Variants in PRRC2C observed in about 807,000 individuals in gnomAD.
The protein encoded by PRRC2C is proline rich coiled-coil 2C.
A neutral mutation model predicts 317.2 loss-of-function variants in PRRC2C; 72 were observed. That is an observed-to-expected ratio of 0.23 (90% CI 0.19 to 0.28). PRRC2C has a LOEUF of 0.28. PRRC2C is among the 10% of genes least tolerant of loss of function. The pLI, the probability that PRRC2C is intolerant of heterozygous loss-of-function variation, is 1.00. For missense variants in PRRC2C, 3,074 were observed against 3,459.7 expected, an observed-to-expected ratio of 0.89 and a Z score of 2.80; for synonymous variants, 1,296 against 1,205.9, an observed-to-expected ratio of 1.07 and a Z score of -1.55.
chr1:171,561,183 C>T, intron 20 of PRRC2C, 80 bp downstream of exon 20: 6 of 1,329,254 alleles, frequency 4.5e-6, no homozygotes, highest in Non-Finnish European at 5.4e-6. Context: ...TGGCTTACAC[C>T]TGTAATCCTA....
At chr1:171,488,269 C>G (rs1457915841) in intron 1 of PRRC2C, among the ~76,000 whole-genome samples, 9 of 152,170 alleles carry the variant, frequency 5.9e-5, no homozygotes, top group Admixed American at 5.9e-4. Flanking sequence ...AAAATTGTGT[C>G]TGAGTTATGA....
At chr1:171,586,432 CAG>C (rs1372416509) in intron 30 of PRRC2C, among the ~76,000 whole-genome samples, 4 of 151,454 alleles carry the variant, frequency 2.6e-5, no homozygotes, top group Non-Finnish European at 5.9e-5. Context: ...ATCAGCCTCT[CAG>C]AAAGTTTTGG....
At chr1:171,514,326 C>T (rs888462011) in intron 3 of PRRC2C, among the ~76,000 whole-genome samples, 1 of 151,768 alleles carries the variant, frequency 6.6e-6, no homozygotes, top group African/African-American at 2.4e-5. Flanking sequence ...AAACTCATCT[C>T]ATTGGGTTAT....
chr1:171,545,752 A>C (rs1010727062), intron 17 of PRRC2C, 65 bp downstream of exon 17: 2 of 697,390 alleles, frequency 2.9e-6, no homozygotes, highest in African/African-American at 5.2e-5. Context: ...TTTATTTGCT[A>C]CATTTTAAAA....
chr1:171,545,154 C>A (rs1678825632), intron 16 of PRRC2C, among the ~76,000 whole-genome samples: 1 of 152,084 alleles, frequency 6.6e-6, no homozygotes, highest in African/African-American at 2.4e-5. Context: ...TTGCTTGGAT[C>A]ACAGAAATTT....
intron 6 of PRRC2C, 78 bp from the exon 7 acceptor site, chr1:171,522,099 C>G: frequency 1.6e-6 from 1 of 609,616 alleles, no homozygotes. Flanking sequence ...GGCCTAGGCT[C>G]AGATTTATAT....
At chr1:171,555,661 C>A (rs1681224672) in intron 18 of PRRC2C, among the ~76,000 whole-genome samples, 4 of 152,102 alleles carry the variant, frequency 2.6e-5, no homozygotes, top group Admixed American at 1.3e-4. Flanking sequence ...TGTGGATGTC[C>A]TTTTTGTTGA....
intron 1 of PRRC2C, among the ~76,000 whole-genome samples, chr1:171,492,510 T>C (rs890867202): frequency 2.6e-5 from 4 of 151,968 alleles, no homozygotes; most frequent in Non-Finnish European, 5.9e-5. Flanking sequence ...CGCACTGTGT[T>C]CTACATATGG....
At chr1:171,510,406 C>T (rs974082221) in intron 1 of PRRC2C, 4 of 152,058 alleles carry the variant, frequency 2.6e-5, no homozygotes, top group Non-Finnish European at 4.4e-5. Context: ...CTTGATACAT[C>T]AGTTCCTTTT....
intron 23 of PRRC2C, among the ~76,000 whole-genome samples, chr1:171,569,885 T>A (rs1487858247): frequency 6.6e-6 from 1 of 151,644 alleles, no homozygotes; most frequent in Non-Finnish European, 1.5e-5. Flanking sequence ...GAAGAAAAAA[T>A]TATTATTCTC....
At chr1:171,489,640 T>A (rs1447594808) in intron 1 of PRRC2C, among the ~76,000 whole-genome samples, 1 of 152,232 alleles carries the variant, frequency 6.6e-6, no homozygotes, top group Non-Finnish European at 1.5e-5. Context: ...ACTAAGACTA[T>A]TTTTTGAATG....
chr1:171,535,433 G>T lies in PRRC2C; in HGVS notation c.1879G>T (p.Glu627Ter). The T allele has an allele frequency of 6.2e-7, 1 of 1,612,486 alleles. No individual in the cohort carries two copies. The highest frequency in any genetic ancestry group is 8.5e-7 in the Non-Finnish European group (1 of 1,179,462). ...ESENSCNKEE[E>*]PVFTRQDSNR... ...TTCACCTTTTCTTTGAGCAGAGGAG[G>T]AACCCGTTTTCACTAGACAAGACAG... The change falls in exon 13 of 35, where the codon GAA becomes TAA. Residue 627 changes from glutamate (E) to a stop codon, truncating the protein, a stop_gained. Transcript: ENST00000647382. LOFTEE classifies it high-confidence loss of function.
chr1:171,561,056 G>A lies in PRRC2C; in HGVS notation c.6070G>A (p.Ala2024Thr). 1 of 1,608,832 alleles carries A rather than the reference G, an allele frequency of 6.2e-7. No homozygotes were observed. The highest frequency in any genetic ancestry group is 2.2e-5 in the East Asian group (1 of 44,856). The stretch of plus-strand genomic sequence containing the variant: ...TCCACCACAGCCACCTTCAGTCAGT[G>A]CATGGAATAAGCCCTTAACATCGTT... ...ISPPQPPSVSAWNKPLTSFGS... is the reference protein window; with the variant it reads ...ISPPQPPSVSTWNKPLTSFGS... The change falls in exon 20 of 35, where the codon GCA becomes ACA. Residue 2024 changes from alanine (A) to threonine (T), a missense_variant. Ala to Thr is a moderately conservative substitution (Grantham distance 58). This residue lies in a region of PRRC2C where 640 missense variants were observed against 676.1 expected (regional missense o/e 0.95). Coordinates refer to ENST00000647382, the MANE Select transcript of PRRC2C (RefSeq NM_001387844.1).
At chr1:171,529,964 T>A (rs1457007369) in intron 11 of PRRC2C, among the ~76,000 whole-genome samples, 1 of 152,182 alleles carries the variant, frequency 6.6e-6, no homozygotes, top group Non-Finnish European at 1.5e-5. Flanking sequence ...ATCACCATCG[T>A]TTCCAGCAAT....
intron 10 of PRRC2C, among the ~76,000 whole-genome samples, chr1:171,526,969 T>C (rs1218251363): frequency 1.3e-5 from 2 of 151,876 alleles, no homozygotes; most frequent in African/African-American, 4.8e-5. Context: ...CCCCCATGCC[T>C]GGCTAATTTT....
intron 4 of PRRC2C, 136 bp downstream of exon 4, chr1:171,514,781 T>C (rs988319727): frequency 1.3e-6 from 1 of 762,944 alleles, no homozygotes; most frequent in Non-Finnish European, 2.1e-6. Flanking sequence ...CTTAAAAAGG[T>C]TTTTTAAAAA....
At chr1:171,489,394 C>T (rs760049864) in intron 1 of PRRC2C, among the ~76,000 whole-genome samples, 5 of 152,180 alleles carry the variant, frequency 3.3e-5, no homozygotes, top group Non-Finnish European at 5.9e-5. Context: ...ATTTGGTCCA[C>T]TCCCAAGGTG....
chr1:171,495,478 A>G (rs1373180600), intron 1 of PRRC2C, among the ~76,000 whole-genome samples: 1 of 152,236 alleles, frequency 6.6e-6, no homozygotes, highest in East Asian at 1.9e-4. Context: ...ACAGGGTCCA[A>G]CATATCCAGG....
intron 1 of PRRC2C, among the ~76,000 whole-genome samples, chr1:171,500,963 A>T (rs1440924212): frequency 1.3e-5 from 2 of 152,224 alleles, no homozygotes; most frequent in Non-Finnish European, 2.9e-5. Flanking sequence ...CAGTGGCGCC[A>T]TCATGGCTCA....
Sources: gnomAD v4.1 joint callset for allele counts (sites outside exome capture counted in the v4.1 genomes callset) on GRCh38, gnomAD v4.1.1 for gene constraint, gnomAD v4.1.1 regional missense constraint, MANE v1.5 for transcripts, NCBI Gene and HGNC (gene_info 2026-07-23, HGNC 2026-07-21) for gene names.